RBM41: variants seen among roughly 807,000 people sequenced by gnomAD.
The protein encoded by RBM41 is RNA-binding protein 41.
In RBM41, 14 loss-of-function variants were observed where a neutral mutation model predicts 30.8. The observed-to-expected ratio is 0.45, with a 90% confidence interval of 0.30 to 0.71. The LOEUF (loss-of-function observed/expected upper bound fraction) is 0.71. RBM41 is among the 30% of genes least tolerant of loss of function. RBM41 has a pLI of 0.08. For missense variants in RBM41, 276 were observed against 326.3 expected (o/e 0.85, Z 1.19); for synonymous variants, 120 against 110.1 (o/e 1.09, Z -0.56).
chrX:107,098,204 C>G (rs1296846972), intron 5 of RBM41, among the ~76,000 whole-genome samples: 1 of 111,700 alleles, frequency 9.0e-6, no homozygotes, highest in Non-Finnish European at 1.9e-5. Flanking sequence ...GATTTGAAGA[C>G]TCATAGATAT....
At chrX:107,093,073 A>T (rs1038075581) in intron 5 of RBM41, among the ~76,000 whole-genome samples, 3 of 112,258 alleles carry the variant, frequency 2.7e-5, no homozygotes, top group Non-Finnish European at 3.8e-5. Context: ...GTGGATGAAT[A>T]GATTAATAAA....
intron 5 of RBM41, among the ~76,000 whole-genome samples, chrX:107,090,836 G>A (rs1204774258): frequency 1.8e-5 from 2 of 110,233 alleles, no homozygotes; most frequent in African/African-American, 6.6e-5. Context: ...TACATGTGCT[G>A]AATATGCAGT....
At chrX:107,075,764 C>T (rs1461220877) in intron 6 of RBM41, among the ~76,000 whole-genome samples, 1 of 111,367 alleles carries the variant, frequency 9.0e-6, no homozygotes, top group African/African-American at 3.3e-5. Flanking sequence ...AAGTTGGAAC[C>T]CTTGTGCACT....
intron 6 of RBM41, among the ~76,000 whole-genome samples, chrX:107,081,636 C>T (rs1160451646): frequency 8.9e-6 from 1 of 112,122 alleles, no homozygotes; most frequent in Non-Finnish European, 1.9e-5. Flanking sequence ...GTCTTTCAAT[C>T]CAAGAACACA....
chrX:107,112,804 A>C (rs1055870279), intron 5 of RBM41: 1 of 325,180 alleles, frequency 3.1e-6, no homozygotes, highest in Non-Finnish European at 6.0e-6. Context: ...GTGTGATTCC[A>C]TTTACATGAC....
chrX:107,058,946 C>T (rs1166555596), downstream of RBM41, among the ~76,000 whole-genome samples: 1 of 110,818 alleles, frequency 9.0e-6, no homozygotes, highest in Non-Finnish European at 1.9e-5. Flanking sequence ...GATCTAAACT[C>T]CCACAGTGCT....
chrX:107,065,818 C>T lies in RBM41; in HGVS notation c.*1709G>A. ...ATAGGCCAAACGATGCAACTATATA[C>T]ATATTGTTTTATACAACTGTGTTTT... On this transcript the variant is annotated 3_prime_UTR_variant, in exon 8 of 8. Transcript: ENST00000685964. 1 of 1,058,862 alleles carries T rather than the reference C, an allele frequency of 9.4e-7. No individual in the cohort carries two copies. The highest frequency in any genetic ancestry group is 3.5e-5 in the East Asian group (1 of 28,247). The allele number at this position is 1,058,862 out of a possible 1,213,427, so 87.3% of individuals were successfully genotyped here.
rs763836135 is a variant in RBM41, at chrX:107,088,489, C to T, written c.946G>A (p.Glu316Lys). 8.3e-7 allele frequency: 1 copy of T among 1,211,755 alleles called. No homozygotes were observed. Among genetic ancestry groups the T allele is most frequent in the Non-Finnish European group, 1.1e-6 (1 of 895,347 alleles). ...EIQRNRLSEEEIRKIPMFSSY... is the reference protein window; with the variant it reads ...EIQRNRLSEEKIRKIPMFSSY... ...GAAAACATAGGAATTTTTCGGATCT[C>T]TTCCTCTGACAAACGATTTCTCTGG... is the stretch of plus-strand genomic sequence containing the variant. The change falls in exon 6 of 8, where the codon GAG (glutamate) becomes AAG (lysine). Residue 316 changes from glutamate (E) to lysine (K), a missense_variant. Transcript: ENST00000685964.
chrX:107,075,552 A>C (rs1380291074), intron 6 of RBM41, among the ~76,000 whole-genome samples: 1 of 112,204 alleles, frequency 8.9e-6, no homozygotes, highest in Non-Finnish European at 1.9e-5. Flanking sequence ...GCAAGAAAAC[A>C]ACCTCATTAA....
At chrX:107,088,017 T>C (rs1426530472) in intron 6 of RBM41, among the ~76,000 whole-genome samples, 3 of 112,285 alleles carry the variant, frequency 2.7e-5, no homozygotes, top group African/African-American at 9.7e-5. Context: ...AGAAGACTCA[T>C]GTGGTAGCAT....
chrX:107,118,798 C>A lies in RBM41; in HGVS notation c.-25G>T. The A allele has an allele frequency of 8.3e-7, 1 of 1,209,954 alleles. No homozygotes were observed. Among genetic ancestry groups the A allele is most frequent in the Non-Finnish European group, 1.1e-6 (1 of 895,277 alleles). On this transcript the variant is annotated 5_prime_UTR_variant, in exon 1 of 8. Transcript: ENST00000685964. ...TGTTTCCACAGGCCCCTACCTCCAA[C>A]TTGGGTAAATAGGCCGCGGACCTCA...
chrX:107,103,751 G>A (rs1003880346), intron 5 of RBM41, among the ~76,000 whole-genome samples: 10 of 111,685 alleles, frequency 9.0e-5, no homozygotes, highest in African/African-American at 3.3e-4. Context: ...AACATATACT[G>A]TACAATTCCA....
intron 6 of RBM41, among the ~76,000 whole-genome samples, chrX:107,077,127 T>C (rs1921013201): frequency 9.0e-6 from 1 of 111,291 alleles, no homozygotes; most frequent in East Asian, 2.8e-4. Flanking sequence ...CTAAGACTGT[T>C]CCCTTTGATA....
chrX:107,117,630 T>C (rs1425034117), intron 1 of RBM41, among the ~76,000 whole-genome samples: 3 of 112,231 alleles, frequency 2.7e-5, no homozygotes, highest in African/African-American at 9.7e-5. Context: ...ACATTGAGTC[T>C]AGTAGCTTTT....
chrX:107,087,692 G>A (rs1602577333), intron 6 of RBM41, among the ~76,000 whole-genome samples: 2 of 112,067 alleles, frequency 1.8e-5, no homozygotes, highest in Middle Eastern at 4.2e-3. Flanking sequence ...TGCAACCTCC[G>A]CCTCCCGGGT....
chrX:107,088,099 T>C (rs2769028), intron 6 of RBM41, among the ~76,000 whole-genome samples: 1 of 111,929 alleles, frequency 8.9e-6, no homozygotes, highest in South Asian at 3.8e-4. Context: ...GCTATGGTGG[T>C]CCTATGAACA....
intron 1 of RBM41, among the ~76,000 whole-genome samples, chrX:107,117,250 TAATA>T (rs1282520917): frequency 1.8e-5 from 2 of 112,062 alleles, no homozygotes; most frequent in Non-Finnish European, 3.8e-5. Context: ...AAAGGGATAG[TAATA>T]TATACTGAAG....
chrX:107,061,355 T>G (rs1030482665), downstream of RBM41, among the ~76,000 whole-genome samples: 1 of 112,052 alleles, frequency 8.9e-6, no homozygotes, highest in African/African-American at 3.2e-5. Context: ...TCTAAAATGC[T>G]TTTTGAAAAT....
downstream of RBM41, among the ~76,000 whole-genome samples, chrX:107,060,520 G>A (rs1152329): frequency 0.37 from 40,567 of 110,259 alleles, 8,110 homozygotes; most frequent in African/African-American, 0.77. Flanking sequence ...TCTTGGAAGG[G>A]GAGAATAGCC....
Sources: allele counts gnomAD v4.1 joint callset (sites outside exome capture counted in the v4.1 genomes callset), GRCh38; gene constraint gnomAD v4.1.1; transcripts MANE v1.5; gene names NCBI Gene and HGNC (gene_info 2026-07-23, HGNC 2026-07-21).